Variants in PRH1 observed in about 807,000 individuals in gnomAD.
The protein encoded by PRH1 is proline rich protein HaeIII subfamily 1.
Under a neutral mutation model 7.9 loss-of-function variants are expected in PRH1, and 7 were observed. The ratio of observed to expected loss-of-function variants is 0.89; its 90% confidence interval spans 0.50 to 1.67. The LOEUF (loss-of-function observed/expected upper bound fraction) is 1.67, where lower values mean the gene tolerates loss of function less well. PRH1 is among the 40% of genes most tolerant of loss of function. The pLI, the probability that PRH1 is intolerant of heterozygous loss-of-function variation, is 0.00. For synonymous variants in PRH1, 45 were observed against 80.8 expected (o/e 0.56, Z 2.38); for missense variants, 109 against 223.6 (o/e 0.49, Z 3.27).
intron 1 of PRH1, among the ~76,000 whole-genome samples, chr12:11,129,732 G>A (rs1189289123): frequency 6.6e-6 from 1 of 152,250 alleles, no homozygotes; most frequent in East Asian, 1.9e-4. Context: ...CATTATGAGG[G>A]AAAATCAAAA....
chr12:10,986,404 T>A (rs762807288), intron 1 of PRH1: 2 of 1,613,964 alleles, frequency 1.2e-6, no homozygotes, highest in Non-Finnish European at 1.7e-6. Context: ...TCTGCCCACA[T>A]ACTCTCATCC....
At chr12:10,943,069 G>A (rs1950428732) in intron 2 of PRH1, among the ~76,000 whole-genome samples, 1 of 152,190 alleles carries the variant, frequency 6.6e-6, no homozygotes, top group African/African-American at 2.4e-5. Flanking sequence ...CCCAGGTTCT[G>A]CAGGAGCAGC....
chr12:10,996,854 A>G, intron 1 of PRH1: 2 of 1,304,004 alleles, frequency 1.5e-6, no homozygotes, highest in East Asian at 2.4e-5. Flanking sequence ...TCAAATACAT[A>G]GACTACGGAA....
intron 1 of PRH1, among the ~76,000 whole-genome samples, chr12:11,153,378 A>G (rs550742874): frequency 4.4e-4 from 67 of 152,356 alleles, no homozygotes; most frequent in Admixed American, 7.2e-4. Flanking sequence ...GCAATAAATA[A>G]ATCATCTTGA....
In PRH1 at chr12:11,168,045, T is replaced by C. The variant is rs1947634695; in HGVS notation, n.39+3377A>G. Reference sequence around the variant, plus strand: ...TCTTAATAATCTGACAATTATTAAATGTGTTTCATTGTCTAAAAGAGAGGT... The same window carrying C: ...TCTTAATAATCTGACAATTATTAAACGTGTTTCATTGTCTAAAAGAGAGGT... On this transcript the variant is annotated intron_variant and non_coding_transcript_variant, in intron 1 of 1. Coordinates refer to the PRH1 transcript ENST00000541175. Among the ~76,000 whole-genome samples, 3 of 151,664 alleles carry C rather than the reference T, an allele frequency of 2.0e-5. No homozygotes were observed. The South Asian group carries it at 6.2e-4, about 32-fold the overall frequency.
chr12:10,974,540 C>T (rs556278254), intron 1 of PRH1, among the ~76,000 whole-genome samples: 15 of 152,206 alleles, frequency 9.9e-5, no homozygotes, highest in African/African-American at 3.6e-4. Context: ...TTGGCACCCC[C>T]AAAATCTACC....
chr12:11,077,380 TGTTTTA>T lies in PRH1; in HGVS notation n.124-30198_124-30193del, dbSNP rs1238592560. ...CTGACATAAAACTGAAAGAAACGTC[TGTTTTA>T]GTTTCCTGCTTCCCATAATCAGGAA... On this transcript the variant is annotated intron_variant and non_coding_transcript_variant, in intron 1 of 4. Transcript: ENST00000541977. 8 of 449,904 alleles carry T rather than the reference TGTTTTA, an allele frequency of 1.8e-5. 1 individual carries two copies. The highest frequency in any genetic ancestry group is 2.7e-5 in the Non-Finnish European group (7 of 255,354). 27.9% of individuals were successfully genotyped at this position (449,904 alleles called of 1,614,324 possible).
chr12:10,909,175 A>G (rs1277958327), intron 2 of PRH1: 1 of 1,613,964 alleles, frequency 6.2e-7, no homozygotes, highest in Admixed American at 1.7e-5. Context: ...TCGACTGAGG[A>G]CAGCTCTCTT....
intron 1 of PRH1, among the ~76,000 whole-genome samples, chr12:11,165,254 T>C (rs769293088): frequency 2.0e-5 from 3 of 152,166 alleles, no homozygotes; most frequent in Non-Finnish European, 4.4e-5. Context: ...AGTTGCCCCC[T>C]ATCCTCACAA....
At chr12:10,909,120 C>A (rs1949855253) in intron 2 of PRH1, 1 of 1,613,666 alleles carries the variant, frequency 6.2e-7, no homozygotes, top group African/African-American at 1.3e-5. Context: ...TAATATTTCC[C>A]AGATCAGCCC....
chr12:10,962,586 A>C (rs1481229003), intron 2 of PRH1, among the ~76,000 whole-genome samples: 1 of 152,234 alleles, frequency 6.6e-6, no homozygotes, highest in East Asian at 1.9e-4. Flanking sequence ...AGAATAGGCA[A>C]ATTCATGCAA....
chr12:11,030,024 C>T (rs1446107134), intron 1 of PRH1, among the ~76,000 whole-genome samples: 1 of 152,032 alleles, frequency 6.6e-6, no homozygotes, highest in Non-Finnish European at 1.5e-5. Flanking sequence ...AATATTTATC[C>T]TGGGATAAGC....
chr12:11,151,399 T>A (rs34436598), intron 1 of PRH1, among the ~76,000 whole-genome samples: 68,989 of 151,750 alleles, frequency 0.45, 16,457 homozygotes, highest in Non-Finnish European at 0.52. Context: ...CAGAGGGGAC[T>A]CCCTGGAAAC....
intron 2 of PRH1, chr12:10,938,200 T>C (rs1294238976): frequency 2.5e-6 from 3 of 1,212,736 alleles, no homozygotes; most frequent in African/African-American, 1.5e-5. Flanking sequence ...TAAGGAAGTA[T>C]AAATTTATAT....
intron 1 of PRH1, among the ~76,000 whole-genome samples, chr12:11,148,438 T>G (rs1031154141): frequency 7.0e-6 from 1 of 142,588 alleles, no homozygotes; most frequent in African/African-American, 2.5e-5. Context: ...CATAGATAGC[T>G]CTTATTATTT....
intron 2 of PRH1, among the ~76,000 whole-genome samples, chr12:10,901,024 T>C (rs1381319315): frequency 3.3e-5 from 5 of 152,186 alleles, no homozygotes; most frequent in African/African-American, 9.6e-5. Context: ...CTACCCTTCC[T>C]GTGCAGAGAT....
chr12:10,948,005 C>T (rs1021536106), intron 2 of PRH1, among the ~76,000 whole-genome samples: 7 of 152,112 alleles, frequency 4.6e-5, no homozygotes, highest in African/African-American at 1.4e-4. Flanking sequence ...CTGCTGTTAC[C>T]GTGATAGAAA....
intron 1 of PRH1, among the ~76,000 whole-genome samples, chr12:11,089,362 C>T (rs73064953): frequency 0.055 from 6,375 of 115,536 alleles, 2,052 homozygotes; most frequent in Non-Finnish European, 0.079. Flanking sequence ...ATACATTCTC[C>T]CTCCTCTCTC....
chr12:11,017,724 C>T (rs1392478103), intron 1 of PRH1, among the ~76,000 whole-genome samples: 1 of 151,988 alleles, frequency 6.6e-6, no homozygotes, highest in East Asian at 1.9e-4. Flanking sequence ...AACTCCTGGC[C>T]TCCAGTGATC....
Sources: allele counts gnomAD v4.1 joint callset (sites outside exome capture counted in the v4.1 genomes callset), GRCh38; gene constraint gnomAD v4.1.1; transcripts MANE v1.5; gene names NCBI Gene and HGNC (gene_info 2026-07-23, HGNC 2026-07-21).